COMMD5: variants seen among roughly 807,000 people sequenced by gnomAD.
COMMD5 encodes the protein COMM domain containing 5.
In COMMD5, 10 loss-of-function variants were observed where a neutral mutation model predicts 6.9. The ratio of observed to expected loss-of-function variants is 1.44; its 90% CI spans 0.89 to 2.45. The LOEUF (loss-of-function observed/expected upper bound fraction) is 2.45. Ranked by LOEUF, COMMD5 falls within the 30% of genes most tolerant of loss-of-function variation. COMMD5 has a pLI of 0.00. For missense variants in COMMD5, 234 were observed against 287.8 expected, an observed-to-expected ratio of 0.81 and a Z score of 1.35; for synonymous variants, 127 against 125.3, an observed-to-expected ratio of 1.01 and a Z score of -0.09.
rs778811579 is a variant in COMMD5 at position 144,842,449 on chromosome 8, A to G, written c.*117-706T>C. The G allele has an allele frequency of 1.2e-6, 2 of 1,614,174 alleles. No homozygotes were observed. Among genetic ancestry groups the G allele is most frequent in the Non-Finnish European group, 1.7e-6 (2 of 1,180,034 alleles). ...GCCTTATAAATGCAACAAGTGTACA[A>G]AAGCCTTTGGTTGTAGTTCACGGCT... On this transcript the variant is annotated intron_variant and NMD_transcript_variant, in intron 1 of 1. Transcript: ENST00000530332.
At chr8:144,843,310 C>G (rs1830219636) in intron 1 of COMMD5, 1 of 1,104,810 alleles carries the variant, frequency 9.1e-7, no homozygotes, top group Non-Finnish European at 1.3e-6. Flanking sequence ...CAACTTCAGG[C>G]CGAGTGTGGT....
downstream of COMMD5, among the ~76,000 whole-genome samples, chr8:144,839,753 G>T (rs893463994): frequency 1.3e-5 from 2 of 152,168 alleles, no homozygotes; most frequent in African/African-American, 4.8e-5. Context: ...TATGTTACTT[G>T]TCCCCAGCTG....
downstream of COMMD5, chr8:144,846,073 A>G: frequency 6.5e-7 from 1 of 1,536,384 alleles, no homozygotes; most frequent in Non-Finnish European, 8.7e-7. Flanking sequence ...ACTGCTCACA[A>G]AGACTGACCC....
chr8:144,850,447 T>G lies in COMMD5; in HGVS notation c.*217A>C, dbSNP rs1209881. On this transcript the variant is annotated 3_prime_UTR_variant, in exon 2 of 2. Coordinates refer to ENST00000305103, the MANE Select transcript of COMMD5 (RefSeq NM_014066.4). This position sits in a 1 kb window ranked among gnomAD's most constrained non-coding sequence, Gnocchi z 4.0. ...GGGTGTGAGGTCCAACACTCACCTA[T>G]AGAAACATGTTTTTAGCTGCTTTAC... is the stretch of plus-strand genomic sequence containing the variant. 240,211 of 580,036 alleles carry G rather than the reference T, an allele frequency of 0.41. 51,115 individuals are homozygous for G. Among genetic ancestry groups the G allele is most frequent in the East Asian group, 0.58 (19,708 of 33,708 alleles). The allele number at this position is 580,036 out of a possible 1,614,324, so 35.9% of individuals were successfully genotyped here. A position where few individuals can be genotyped will look rare whatever the true frequency, so the allele number is the denominator to read the frequency against.
downstream of COMMD5, chr8:144,846,880 TA>T (rs1162586556): frequency 6.6e-6 from 1 of 152,182 alleles, no homozygotes; most frequent in Non-Finnish European, 1.5e-5. Context: ...TTTGTATTTT[TA>T]ATAGAGACGG....
At chr8:144,843,165 A>T in intron 1 of COMMD5, 6 of 1,575,140 alleles carry the variant, frequency 3.8e-6, no homozygotes, top group Non-Finnish European at 5.2e-6. Context: ...TTCACATGGG[A>T]TAGACCACTT....
At chr8:144,843,070 A>C in intron 1 of COMMD5, 1 of 1,614,084 alleles carries the variant, frequency 6.2e-7, no homozygotes, top group Non-Finnish European at 8.5e-7. Context: ...ACACCAGAGA[A>C]TTCACACCGG....
chr8:144,849,901 T>C (rs1209890), downstream of COMMD5, among the ~76,000 whole-genome samples: 64,440 of 151,728 alleles, frequency 0.42, 13,930 homozygotes, highest in East Asian at 0.58. Context: ...CTTAAAAGGC[T>C]CTCAGGCCTT....
downstream of COMMD5, among the ~76,000 whole-genome samples, chr8:144,849,499 C>G (rs766600509): frequency 1.3e-5 from 2 of 152,162 alleles, no homozygotes; most frequent in Non-Finnish European, 2.9e-5. Flanking sequence ...ACAAGACAAA[C>G]AGCCAAGCAA....
At chr8:144,838,159 A>G, downstream of COMMD5, 1 of 702,204 alleles carries the variant, frequency 1.4e-6, no homozygotes, top group Non-Finnish European at 2.6e-6. Context: ...TGCGTCCCTC[A>G]CTCTGATCTC....
chr8:144,850,003 C>T (rs1830664023), downstream of COMMD5, among the ~76,000 whole-genome samples: 1 of 152,068 alleles, frequency 6.6e-6, no homozygotes, highest in Non-Finnish European at 1.5e-5. The surrounding 1 kb of genome is among the most constrained non-coding windows in gnomAD (Gnocchi z 4.0). Flanking sequence ...CAGGCCTCCC[C>T]ACACTGGCCG....
intron 1 of COMMD5, chr8:144,842,900 A>T (rs1313639160): frequency 2.5e-6 from 4 of 1,614,218 alleles, no homozygotes. Flanking sequence ...TATCTTATTG[A>T]ACACCAGAGA....
In COMMD5 at chr8:144,850,640, G is replaced by A. The variant is rs1243670922; in HGVS notation, c.*24C>T. The stretch of plus-strand genomic sequence containing the variant: ...TCAGGTGCCTGTCCAAGCCGGATCT[G>A]AATGGGACTGGTCAAGTGAGGGGTC... On this transcript the variant is annotated 3_prime_UTR_variant, in exon 2 of 2. Coordinates refer to ENST00000305103, the MANE Select transcript of COMMD5 (RefSeq NM_014066.4). The surrounding 1 kb of genome is among the most constrained non-coding windows in gnomAD (Gnocchi z 4.0). 1.2e-6 allele frequency: 2 copies of A among 1,601,876 alleles called. No individual in the cohort carries two copies. The highest frequency in any genetic ancestry group is 1.7e-6 in the Non-Finnish European group (2 of 1,172,352).
chr8:144,842,538 C>T, intron 1 of COMMD5: 1 of 1,614,096 alleles, frequency 6.2e-7, no homozygotes, highest in East Asian at 2.2e-5. Flanking sequence ...GTGGCAAAGG[C>T]TTTGTTCAGG....
chr8:144,840,560 A>G (rs1829755890), downstream of COMMD5, among the ~76,000 whole-genome samples: 1 of 152,206 alleles, frequency 6.6e-6, no homozygotes, highest in East Asian at 1.9e-4. Flanking sequence ...ACAGACATCA[A>G]GGAGATGTCT....
chr8:144,845,414 T>G (rs1255879713), downstream of COMMD5, among the ~76,000 whole-genome samples: 1 of 151,874 alleles, frequency 6.6e-6, no homozygotes, highest in African/African-American at 2.4e-5. Context: ...GACACAACCT[T>G]GAGAAGTGGC....
chr8:144,841,338 G>A, exon 2 of COMMD5: 3 of 1,589,628 alleles, frequency 1.9e-6, no homozygotes, highest in South Asian at 1.1e-5. Context: ...GAACGTCTTT[G>A]TTCCTGTTTA....
intron 1 of COMMD5, chr8:144,842,265 G>A: frequency 6.2e-7 from 1 of 1,614,026 alleles, no homozygotes; most frequent in Non-Finnish European, 8.5e-7. Context: ...TGCATACTGG[G>A]GAGAAAGCTC....
chr8:144,844,696 T>G (rs1429405163), intron 1 of COMMD5, among the ~76,000 whole-genome samples: 5 of 120,366 alleles, frequency 4.2e-5, no homozygotes, highest in East Asian at 2.5e-4. Context: ...GTGACAAGAG[T>G]GTGACTCTGT....
Sources: allele counts gnomAD v4.1 joint callset (sites outside exome capture counted in the v4.1 genomes callset), GRCh38; gene constraint gnomAD v4.1.1; non-coding constraint Gnocchi (gnomAD v3.1); transcripts MANE v1.5; gene names NCBI Gene and HGNC (gene_info 2026-07-23, HGNC 2026-07-21).